CD63: variants seen among roughly 807,000 people sequenced by gnomAD.
The protein encoded by CD63 is CD63 antigen.
A neutral mutation model predicts 29.2 loss-of-function variants in CD63; 16 were observed. The ratio of observed to expected loss-of-function variants is 0.55; its 90% confidence interval spans 0.37 to 0.83. The LOEUF is 0.83. Ranked by LOEUF, CD63 falls within the 40% of genes least tolerant of loss-of-function variation. The pLI, the probability that CD63 is intolerant of heterozygous loss-of-function variation, is 0.00. For missense variants in CD63, 251 were observed against 297.3 expected (o/e 0.84, Z 1.15); for synonymous variants, 118 against 111.7 (o/e 1.06, Z -0.36).
rs1284160695 is a variant in CD63 at position 55,728,850 on chromosome 12, C to G, written c.-12+103G>C. 12 of 989,226 alleles carry G rather than the reference C, an allele frequency of 1.2e-5. No individual in the cohort carries two copies. The highest frequency in any genetic ancestry group is 1.1e-4 in the East Asian group (1 of 8,836). The allele number at this position is 989,226 out of a possible 1,614,324, so 61.3% of individuals were successfully genotyped here. A position where few individuals can be genotyped will look rare whatever the true frequency, so the allele number is the denominator to read the frequency against. ...AAGTTGCTCCAGGGCGGCTGGAGAG[C>G]GCCGGACGAGTCTCCGCGGGCCTGG... On this transcript the variant is annotated intron_variant, in intron 1 of 7. Transcript: ENST00000257857. The surrounding 1 kb of genome is among the most constrained non-coding windows in gnomAD (Gnocchi z 4.8).
downstream of CD63, chr12:55,723,674 G>A (rs1055859968): frequency 4.1e-5 from 24 of 581,226 alleles, 1 homozygote; most frequent in South Asian, 4.2e-4. Context: ...AGAAAAAAAC[G>A]TGCTGACCCC....
chr12:55,729,138 A>T, upstream of CD63: 1 of 984,850 alleles, frequency 1.0e-6, no homozygotes, highest in Non-Finnish European at 1.2e-6. Context: ...GGCCTGAGTC[A>T]CTGGGCCCGG....
rs201691826 is a variant in CD63, at chr12:55,725,508, C to T, written c.*53G>A. 8.6e-6 allele frequency: 12 copies of T among 1,402,532 alleles called. No individual in the cohort carries two copies. Among genetic ancestry groups the T allele is most frequent in the Non-Finnish European group, 1.2e-5 (12 of 988,398 alleles). The allele number at this position is 1,402,532 out of a possible 1,614,324, so 86.9% of individuals were successfully genotyped here. A position where few individuals can be genotyped will look rare whatever the true frequency, so the allele number is the denominator to read the frequency against. On this transcript the variant is annotated 3_prime_UTR_variant, in exon 8 of 8. Transcript: ENST00000257857. ...AAAATAATCCGTTTAATTGAAAAAC[C>T]TGGAGGATACTATTCCACTCCCCCA...
downstream of CD63, chr12:55,724,420 C>T (rs751232605): frequency 1.5e-5 from 24 of 1,614,070 alleles, no homozygotes; most frequent in East Asian, 1.1e-4. Context: ...TCGACACCCC[C>T]GAACCCGCTA....
At chr12:55,724,728 A>C (rs1370471670), downstream of CD63, 1 of 671,046 alleles carries the variant, frequency 1.5e-6, no homozygotes, top group Non-Finnish European at 2.7e-6. Flanking sequence ...TTAAGTGCCA[A>C]CTACTCCAAA....
At chr12:55,723,950 G>A, downstream of CD63, 1 of 1,614,144 alleles carries the variant, frequency 6.2e-7, no homozygotes, top group African/African-American at 1.3e-5. Flanking sequence ...CCGAACCCCT[G>A]TGACCAACCT....
rs528297818 is a variant in CD63, at chr12:55,728,649, C to A, written c.-11-297G>T. The A allele has an allele frequency of 2.5e-5, 32 of 1,272,818 alleles. No individual in the cohort carries two copies. The African/African-American group carries it at 4.5e-4, about 18-fold the overall frequency. 78.8% of individuals were successfully genotyped at this position (1,272,818 alleles called of 1,614,324 possible). On this transcript the variant is annotated intron_variant, in intron 1 of 7. Transcript: ENST00000257857. This position sits in a 1 kb window ranked among gnomAD's most constrained non-coding sequence, Gnocchi z 4.8. ...GACCCTCGGCCCGCCAGTCTCCGGGCGTCAAACACCCTTTCCCCACCCAAC... is the reference window on the plus strand; with the variant it reads ...GACCCTCGGCCCGCCAGTCTCCGGGAGTCAAACACCCTTTCCCCACCCAAC...
intron 2 of CD63, chr12:55,727,861 C>T: frequency 1.9e-6 from 2 of 1,064,082 alleles, no homozygotes; most frequent in Non-Finnish European, 2.3e-6. Flanking sequence ...AGCCCTTCCT[C>T]ACCCCCAAGC....
In CD63 at chr12:55,725,643, G is replaced by A; in HGVS notation, c.652-17C>T. The A allele has an allele frequency of 6.2e-7, 1 of 1,612,606 alleles. No homozygotes were observed. Among genetic ancestry groups the A allele is most frequent in the Non-Finnish European group, 8.5e-7 (1 of 1,178,740 alleles). On this transcript the variant is annotated splice_polypyrimidine_tract_variant and intron_variant, in intron 7 of 7. Transcript: ENST00000257857. ...TCCCAAAACCTAGAAGGAAAGATGGGGACAGGGGTGGAGAGGAGTCAGAAG... is the reference window on the plus strand; with the variant it reads ...TCCCAAAACCTAGAAGGAAAGATGGAGACAGGGGTGGAGAGGAGTCAGAAG...
Position 55,728,724 on chromosome 12 carries a change from C to G in CD63, c.-12+229G>C, listed in dbSNP as rs1877700828. ...AGCCCAACCCCGACCCCCGCCCCAG[C>G]CCCTTTCCCCTGGGCTCTGACCTCC... On this transcript the variant is annotated intron_variant, in intron 1 of 7. Transcript: ENST00000257857. The surrounding 1 kb of genome is among the most constrained non-coding windows in gnomAD (Gnocchi z 4.8). The G allele has an allele frequency of 9.6e-7, 1 of 1,039,098 alleles. No individual in the cohort carries two copies. The highest frequency in any genetic ancestry group is 5.6e-5 in the Admixed American group (1 of 17,748). 64.4% of individuals were successfully genotyped at this position (1,039,098 alleles called of 1,614,324 possible). A position where few individuals can be genotyped will look rare whatever the true frequency, so the allele number is the denominator to read the frequency against.
In CD63 at chr12:55,727,385, G is replaced by A. The variant is rs752005937; in HGVS notation, c.67-46C>T. The stretch of plus-strand genomic sequence containing the variant: ...GATTAGGCCATATCCACAACACAGT[G>A]GCCCTCCATGGTGGAGGGCAGGGGG... On this transcript the variant is annotated intron_variant, in intron 2 of 7. Coordinates refer to ENST00000257857, the MANE Select transcript of CD63 (RefSeq NM_001780.6). The A allele has an allele frequency of 3.9e-6, 6 of 1,545,934 alleles. No individual in the cohort carries two copies. The South Asian group carries it at 5.8e-5, about 15-fold the overall frequency.
At position 55,728,652 on chromosome 12, in the gene CD63, CA is replaced by C; in HGVS notation, c.-12+300del. ...CCTCGGCCCGCCAGTCTCCGGGCGT[CA>C]AACACCCTTTCCCCACCCAACACCC... is the stretch of plus-strand genomic sequence containing the variant. On this transcript the variant is annotated intron_variant, in intron 1 of 7. Coordinates refer to ENST00000257857, the MANE Select transcript of CD63 (RefSeq NM_001780.6). This position sits in a 1 kb window ranked among gnomAD's most constrained non-coding sequence, Gnocchi z 4.8. 7.9e-7 allele frequency: 1 copy of C among 1,272,772 alleles called. No homozygotes were observed. The highest frequency in any genetic ancestry group is 3.9e-5 in the East Asian group (1 of 25,840). 78.8% of individuals were successfully genotyped at this position (1,272,772 alleles called of 1,614,324 possible). A position where few individuals can be genotyped will look rare whatever the true frequency, so the allele number is the denominator to read the frequency against.
chr12:55,729,924 G>A (rs1342391623), upstream of CD63: 1 of 152,354 alleles, frequency 6.6e-6, no homozygotes, highest in Non-Finnish European at 1.5e-5. Flanking sequence ...CGGGCTAGGG[G>A]GATCAAGCTG....
chr12:55,724,899 T>C (rs1001913268), downstream of CD63, among the ~76,000 whole-genome samples: 1 of 152,030 alleles, frequency 6.6e-6, no homozygotes, highest in African/African-American at 2.4e-5. Context: ...GGGAGTAAGG[T>C]TGCAATTCAG....
chr12:55,728,464 C>T lies in CD63; in HGVS notation c.-11-112G>A, dbSNP rs925808766. ...CCTTCACGGCCCCGATTCCCGGCCC[C>T]TCCCACCCGGAAACCCGCGGTCGGA... On this transcript the variant is annotated intron_variant, in intron 1 of 7. Transcript: ENST00000257857. This position sits in a 1 kb window ranked among gnomAD's most constrained non-coding sequence, Gnocchi z 4.8. The T allele has an allele frequency of 2.8e-5, 42 of 1,504,638 alleles. No homozygotes were observed. Among genetic ancestry groups the T allele is most frequent in the Non-Finnish European group, 3.6e-5 (41 of 1,126,880 alleles). The allele number at this position is 1,504,638 out of a possible 1,614,324, so 93.2% of individuals were successfully genotyped here.
rs1346684780 is a variant in CD63, at chr12:55,728,453, A to C, written c.-11-101T>G. ...TCGAGGGCTTCCCTTCACGGCCCCG[A>C]TTCCCGGCCCCTCCCACCCGGAAAC... On this transcript the variant is annotated intron_variant, in intron 1 of 7. Coordinates refer to ENST00000257857, the MANE Select transcript of CD63 (RefSeq NM_001780.6). The surrounding 1 kb of genome is among the most constrained non-coding windows in gnomAD (Gnocchi z 4.8). The C allele has an allele frequency of 1.3e-6, 2 of 1,515,702 alleles. No individual in the cohort carries two copies. The highest frequency in any genetic ancestry group is 2.0e-5 in the Admixed American group (1 of 49,254). The allele number at this position is 1,515,702 out of a possible 1,614,324, so 93.9% of individuals were successfully genotyped here. A position where few individuals can be genotyped will look rare whatever the true frequency, so the allele number is the denominator to read the frequency against.
chr12:55,725,519 T>A lies in CD63; in HGVS notation c.*42A>T, dbSNP rs771693264. On this transcript the variant is annotated 3_prime_UTR_variant, in exon 8 of 8. Coordinates refer to ENST00000257857, the MANE Select transcript of CD63 (RefSeq NM_001780.6). ...TTTAATTGAAAAACCTGGAGGATAC[T>A]ATTCCACTCCCCCAGATGAGGAGGC... 1 of 1,461,340 alleles carries A rather than the reference T, an allele frequency of 6.8e-7. No individual in the cohort carries two copies. The highest frequency in any genetic ancestry group is 1.1e-5 in the South Asian group (1 of 87,972). The allele number at this position is 1,461,340 out of a possible 1,614,324, so 90.5% of individuals were successfully genotyped here. A position where few individuals can be genotyped will look rare whatever the true frequency, so the allele number is the denominator to read the frequency against.
downstream of CD63, chr12:55,724,844 T>C (rs1877133760): frequency 2.0e-6 from 1 of 505,804 alleles, no homozygotes; most frequent in Non-Finnish European, 3.6e-6. Context: ...CGTCGGGGAG[T>C]GGCCATCAAA....
At chr12:55,726,364 CAG>C (rs972274173) in intron 5 of CD63, 103 bp from the exon 6 acceptor site, 5 of 877,712 alleles carry the variant, frequency 5.7e-6, no homozygotes, top group African/African-American at 5.0e-5. Flanking sequence ...TTTTTTGAGA[CAG>C]AGACTTGCTC....
Sources: allele counts gnomAD v4.1 joint callset (sites outside exome capture counted in the v4.1 genomes callset), GRCh38; gene constraint gnomAD v4.1.1; non-coding constraint Gnocchi (gnomAD v3.1); transcripts MANE v1.5; gene names NCBI Gene and HGNC (gene_info 2026-07-23, HGNC 2026-07-21).